The following DST variants were observed in gnomAD, a reference collection of about 807,000 sequenced individuals.
DST encodes the protein dystonin, also known as bullous pemphigoid antigen.
A neutral mutation model predicts 875.2 loss-of-function variants in DST; 253 were observed. That is an observed-to-expected ratio of 0.29 (90% confidence interval 0.26 to 0.32). DST has a LOEUF of 0.32. Ranked by LOEUF, DST falls within the 10% of genes least tolerant of loss-of-function variation. The pLI, the probability that DST is intolerant of heterozygous loss-of-function variation, is 1.00. For missense variants in DST, 8,287 were observed against 9,111.6 expected, an observed-to-expected ratio of 0.91 and a Z score of 3.68; for synonymous variants, 3,124 against 3,197.1, an observed-to-expected ratio of 0.98 and a Z score of 0.77.
In DST at chr6:56,605,091, A is replaced by C. The variant is rs774400134; in HGVS notation, c.9537T>G (p.Asp3179Glu). The C allele has an allele frequency of 6.2e-7, 1 of 1,612,820 alleles. No individual in the cohort carries two copies. Residue 3179 changes from aspartate (D) to glutamate (E), a missense_variant, in exon 40 of 104, where the codon GAT (aspartate) becomes GAG (glutamate). Transcript: ENST00000680361. ...CACAATGTTTTAAGTAAGTAAACAG[A>C]TCAAGCTCTTTCTCAGGTCCATCAG... ...SFTDGPEKEL[D>E]LFTYLKHCAK...
intron 49 of DST, among the ~76,000 whole-genome samples, chr6:56,591,414 TCTTCC>T (rs1435279097): frequency 6.6e-6 from 1 of 152,200 alleles, no homozygotes; most frequent in Admixed American, 6.5e-5. Flanking sequence ...TAGCATCCCT[TCTTCC>T]CTTCCAACTG....
chr6:56,825,502 TAAAAAAAAA>T (rs749148452), intron 4 of DST, among the ~76,000 whole-genome samples: 2 of 109,348 alleles, frequency 1.8e-5, no homozygotes, highest in Non-Finnish European at 3.5e-5. Flanking sequence ...CAATAAATAC[TAAAAAAAAA>T]AAAAAAAAAA....
chr6:56,485,297 C>G lies in DST; in HGVS notation c.21207+15G>C. On this transcript the variant is annotated intron_variant, in intron 88 of 103. Transcript: ENST00000680361. ...AATCAAACAAGATAAAATAAAATGT[C>G]CCAGATAACAATACCTTGTGATTAT... 1 of 1,613,040 alleles carries G rather than the reference C, an allele frequency of 6.2e-7. No individual in the cohort carries two copies. Among genetic ancestry groups the G allele is most frequent in the Non-Finnish European group, 8.5e-7 (1 of 1,179,322 alleles).
At chr6:56,588,846 TA>T (rs1161576426) in intron 49 of DST, among the ~76,000 whole-genome samples, 1 of 152,134 alleles carries the variant, frequency 6.6e-6, no homozygotes, top group African/African-American at 2.4e-5. Flanking sequence ...TACCACAACC[TA>T]CAGTTGTTTC....
chr6:56,534,245 A>G (rs1468043778), intron 63 of DST, among the ~76,000 whole-genome samples: 1 of 152,244 alleles, frequency 6.6e-6, no homozygotes, highest in East Asian at 1.9e-4. Flanking sequence ...GTTTTAAAAT[A>G]ACGTAATTAA....
At chr6:56,741,435 T>A (rs923042075) in intron 4 of DST, among the ~76,000 whole-genome samples, 12 of 152,208 alleles carry the variant, frequency 7.9e-5, no homozygotes, top group African/African-American at 2.7e-4. Context: ...TCAACTTAAA[T>A]GAGTCCCATT....
intron 94 of DST, chr6:56,471,755 G>T: frequency 7.0e-6 from 3 of 426,796 alleles, no homozygotes; most frequent in Non-Finnish European, 1.3e-5. Context: ...TATTTTCCAG[G>T]CAGCATCACC....
At chr6:56,575,457 T>C (rs1030362638) in intron 50 of DST, among the ~76,000 whole-genome samples, 5 of 152,198 alleles carry the variant, frequency 3.3e-5, no homozygotes, top group Admixed American at 2.0e-4. Flanking sequence ...GACTTCTTAA[T>C]TGGGCAACTG....
chr6:56,831,664 GA>G (rs1168628235), intron 4 of DST, among the ~76,000 whole-genome samples: 1 of 152,110 alleles, frequency 6.6e-6, no homozygotes, highest in Non-Finnish European at 1.5e-5. Context: ...TGTAGGCCCT[GA>G]TTCCTTAGCA....
Position 56,640,156 on chromosome 6 carries a change from A to G in DST, c.2477T>C (p.Val826Ala). Residue 826 changes from valine to alanine, a missense_variant, in exon 18 of 104, where the codon GTT (valine) becomes GCT (alanine). Transcript: ENST00000680361. ...ACATTTTTTTACCTGCATCTCATCA[A>G]CCCAATTCAAAAGATCCTGAACAAA... Reference protein sequence around the residue: ...MKFVQDLLNWVDEMQVQLDRT... With the variant: ...MKFVQDLLNWADEMQVQLDRT... 2 of 1,614,044 alleles carry G rather than the reference A, an allele frequency of 1.2e-6. No individual in the cohort carries two copies. Among genetic ancestry groups the G allele is most frequent in the Non-Finnish European group, 1.7e-6 (2 of 1,179,954 alleles).
chr6:56,745,518 C>A (rs938777481), intron 4 of DST, among the ~76,000 whole-genome samples: 3 of 151,960 alleles, frequency 2.0e-5, no homozygotes, highest in Non-Finnish European at 2.9e-5. Context: ...ACAAATGGAA[C>A]CATTTAAAAA....
intron 55 of DST, among the ~76,000 whole-genome samples, chr6:56,565,538 T>C (rs939125203): frequency 1.3e-5 from 2 of 152,190 alleles, no homozygotes; most frequent in Admixed American, 6.5e-5. Flanking sequence ...TTTTGGTTGA[T>C]AGGCTATTAA....
chr6:56,471,215 T>A lies in DST; in HGVS notation c.22212A>T (p.Arg7404=). The change falls in exon 95 of 104, where the codon CGA becomes CGT. Residue 7404 remains arginine (R), a synonymous_variant. Transcript: ENST00000680361. The part of the protein sequence containing the change: ...DFDIWRKKYM[R]WMNHKKSRVM... ...CTCGAGATTTCTTGTGATTCATCCATCGCATGTATTTTTTGCGCCAGATAT... is the reference window on the plus strand; with the variant it reads ...CTCGAGATTTCTTGTGATTCATCCAACGCATGTATTTTTTGCGCCAGATAT... 1 of 1,601,814 alleles carries A rather than the reference T, an allele frequency of 6.2e-7. No individual in the cohort carries two copies. Among genetic ancestry groups the A allele is most frequent in the South Asian group, 1.1e-5 (1 of 88,854 alleles).
intron 4 of DST, among the ~76,000 whole-genome samples, chr6:56,838,472 C>T (rs2099796276): frequency 6.6e-6 from 1 of 152,156 alleles, no homozygotes; most frequent in Non-Finnish European, 1.5e-5. Context: ...GTTTTCACCA[C>T]CTGTCCTTAC....
intron 4 of DST, among the ~76,000 whole-genome samples, chr6:56,771,538 C>T (rs545958020): frequency 7.9e-5 from 12 of 152,196 alleles, no homozygotes; most frequent in Admixed American, 3.3e-4. Flanking sequence ...CAAATAAACA[C>T]AAAAGCCTTG....
intron 60 of DST, among the ~76,000 whole-genome samples, chr6:56,554,814 G>A (rs1482471510): frequency 1.3e-5 from 2 of 152,034 alleles, no homozygotes; most frequent in Non-Finnish European, 2.9e-5. Flanking sequence ...TCTTCATCAG[G>A]GCTTTCTGAT....
At chr6:56,520,424 T>C (rs2096674061) in intron 69 of DST, among the ~76,000 whole-genome samples, 1 of 152,120 alleles carries the variant, frequency 6.6e-6, no homozygotes, top group East Asian at 1.9e-4. Context: ...GGAATGGGTA[T>C]GGCTCACAGA....
intron 2 of DST, among the ~76,000 whole-genome samples, chr6:56,929,916 A>G (rs537187464): frequency 6.6e-6 from 1 of 152,368 alleles, no homozygotes; most frequent in South Asian, 2.1e-4. Flanking sequence ...TTCATTTCTT[A>G]TCTGATCACC....
At chr6:56,670,103 A>G (rs1325185210) in intron 10 of DST, among the ~76,000 whole-genome samples, 1 of 150,740 alleles carries the variant, frequency 6.6e-6, no homozygotes, top group East Asian at 1.9e-4. Context: ...ATCCGAAGAC[A>G]TATTACAGCT....
Sources: allele counts gnomAD v4.1 joint callset (sites outside exome capture counted in the v4.1 genomes callset), GRCh38; gene constraint gnomAD v4.1.1; transcripts MANE v1.5; gene names NCBI Gene and HGNC (gene_info 2026-07-23, HGNC 2026-07-21).